DCLK1: variants seen among roughly 807,000 people sequenced by gnomAD.
DCLK1 encodes the protein doublecortin like kinase 1.
In DCLK1, 16 loss-of-function variants were observed where a neutral mutation model predicts 86.2. That is an observed-to-expected ratio of 0.19 (90% CI 0.13 to 0.28). The LOEUF (loss-of-function observed/expected upper bound fraction) is 0.28. Ranked by LOEUF, DCLK1 falls within the 10% of genes least tolerant of loss-of-function variation. DCLK1 has a pLI of 1.00. For missense variants in DCLK1, 590 were observed against 940.2 expected, an observed-to-expected ratio of 0.63 and a Z score of 4.87; for synonymous variants, 369 against 370.5, an observed-to-expected ratio of 1.00 and a Z score of 0.05.
chr13:35,778,313 C>T (rs149357883), intron 16 of DCLK1, among the ~76,000 whole-genome samples: 2 of 152,164 alleles, frequency 1.3e-5, no homozygotes, highest in African/African-American at 4.8e-5. Context: ...GGGTGTATAC[C>T]TATTATTACT....
At chr13:35,885,522 G>A (rs891950042) in intron 4 of DCLK1, among the ~76,000 whole-genome samples, 5 of 152,186 alleles carry the variant, frequency 3.3e-5, no homozygotes, top group Non-Finnish European at 5.9e-5. Context: ...TACTGAAGAA[G>A]AGTGATGTAA....
intron 4 of DCLK1, among the ~76,000 whole-genome samples, chr13:35,929,462 A>G (rs1341478995): frequency 6.6e-6 from 1 of 152,222 alleles, no homozygotes; most frequent in Non-Finnish European, 1.5e-5. Flanking sequence ...GGATGTCCCC[A>G]CTGCCATATT....
chr13:35,897,705 C>T (rs1192605541), intron 4 of DCLK1, among the ~76,000 whole-genome samples: 1 of 152,068 alleles, frequency 6.6e-6, no homozygotes, highest in Non-Finnish European at 1.5e-5. Flanking sequence ...TCAAGTCTAC[C>T]TTCTCATGTA....
chr13:36,011,298 A>T (rs1881256094), intron 3 of DCLK1, among the ~76,000 whole-genome samples: 1 of 91,782 alleles, frequency 1.1e-5, no homozygotes, highest in African/African-American at 3.8e-5. Flanking sequence ...TTGCTTTTCT[A>T]GTTCTTTTAA....
At chr13:35,855,935 T>A in intron 5 of DCLK1, 1 of 825,768 alleles carries the variant, frequency 1.2e-6, no homozygotes, top group Non-Finnish European at 1.5e-6. Context: ...GCCTGGTGAC[T>A]ACCAGGTAAT....
chr13:35,874,689 T>A (rs1872493982), intron 4 of DCLK1, among the ~76,000 whole-genome samples: 1 of 152,156 alleles, frequency 6.6e-6, no homozygotes, highest in South Asian at 2.1e-4. Context: ...AGAAACAACA[T>A]TAACAACGTC....
At chr13:36,109,370 C>G (rs11840302) in intron 3 of DCLK1, among the ~76,000 whole-genome samples, 38,922 of 152,148 alleles carry the variant, frequency 0.26, 5,041 homozygotes, top group Non-Finnish European at 0.27. Flanking sequence ...ACATTTACAT[C>G]AGTTTGGTGC....
At position 35,782,800 on chromosome 13, in the gene DCLK1, C is replaced by T. The variant is rs114379380; in HGVS notation, c.2059-8101G>A. On this transcript the variant is annotated intron_variant, in intron 16 of 16. Transcript: ENST00000360631. ...GGAATTTGCATTTGTACAGATGGTG[C>T]CTTTTAATTTAGACATATTTTCCCC... Among the ~76,000 whole-genome samples the T allele has an allele frequency of 1.7e-3, 263 of 152,320 alleles. 1 individual carries two copies. Among genetic ancestry groups the T allele is most frequent in the African/African-American group, 5.7e-3 (236 of 41,552 alleles).
chr13:36,100,674 T>C (rs1376168608), intron 3 of DCLK1, among the ~76,000 whole-genome samples: 2 of 152,196 alleles, frequency 1.3e-5, no homozygotes, highest in Admixed American at 6.5e-5. Flanking sequence ...CGCTGGGCAT[T>C]GTATGGCTTT....
chr13:35,981,782 C>T (rs1879655440), intron 3 of DCLK1, among the ~76,000 whole-genome samples: 1 of 152,188 alleles, frequency 6.6e-6, no homozygotes, highest in Non-Finnish European at 1.5e-5. Context: ...TGAGACCCTG[C>T]TTTCAATTCT....
intron 3 of DCLK1, among the ~76,000 whole-genome samples, chr13:36,085,253 TA>T (rs1365646796): frequency 6.6e-6 from 1 of 152,206 alleles, no homozygotes; most frequent in African/African-American, 2.4e-5. Context: ...ATTTATGCTG[TA>T]AACAATTCAA....
At chr13:35,843,287 C>T (rs970180387) in intron 6 of DCLK1, among the ~76,000 whole-genome samples, 7 of 152,156 alleles carry the variant, frequency 4.6e-5, no homozygotes, top group Non-Finnish European at 1.5e-5. Context: ...GATATTGTGA[C>T]ATTTGAAATG....
At chr13:35,817,329 C>T (rs1054220535) in intron 11 of DCLK1, among the ~76,000 whole-genome samples, 8 of 152,072 alleles carry the variant, frequency 5.3e-5, no homozygotes, top group South Asian at 2.1e-4. Flanking sequence ...GAAAATGTTG[C>T]GTCTTCTATT....
intron 3 of DCLK1, among the ~76,000 whole-genome samples, chr13:36,098,493 G>C (rs1807485167): frequency 6.6e-6 from 1 of 152,168 alleles, no homozygotes; most frequent in Non-Finnish European, 1.5e-5. Context: ...TTCCAGGTGA[G>C]AGAAGCACTG....
At chr13:35,917,600 CCA>C (rs1875497238) in intron 4 of DCLK1, among the ~76,000 whole-genome samples, 1 of 152,148 alleles carries the variant, frequency 6.6e-6, no homozygotes, top group Non-Finnish European at 1.5e-5. Flanking sequence ...CTTGTGTGAT[CCA>C]GTTTTCTTCT....
At chr13:35,895,700 T>C (rs761895924) in intron 4 of DCLK1, among the ~76,000 whole-genome samples, 1 of 152,096 alleles carries the variant, frequency 6.6e-6, no homozygotes, top group South Asian at 2.1e-4. Context: ...AAACTAACCA[T>C]TTTACAGTCA....
intron 16 of DCLK1, among the ~76,000 whole-genome samples, chr13:35,778,469 C>T (rs1425533567): frequency 6.6e-6 from 1 of 152,076 alleles, no homozygotes; most frequent in African/African-American, 2.4e-5. Context: ...TTCCATGATC[C>T]TGATGAAGTT....
At chr13:35,968,891 C>T (rs1269435506) in intron 3 of DCLK1, among the ~76,000 whole-genome samples, 1 of 152,074 alleles carries the variant, frequency 6.6e-6, no homozygotes, top group African/African-American at 2.4e-5. Context: ...AGGACTGTAC[C>T]GACCTCCCAA....
chr13:35,788,198 G>A, intron 16 of DCLK1: 1 of 1,613,202 alleles, frequency 6.2e-7, no homozygotes, highest in Non-Finnish European at 8.5e-7. Context: ...CTGTTGAGCT[G>A]CACCATCTCA....
Sources: gnomAD v4.1 joint callset for allele counts (sites outside exome capture counted in the v4.1 genomes callset) on GRCh38, gnomAD v4.1.1 for gene constraint, MANE v1.5 for transcripts, NCBI Gene and HGNC (gene_info 2026-07-23, HGNC 2026-07-21) for gene names.